The following ACSL1 variants were observed in gnomAD, a reference collection of about 807,000 sequenced individuals.
The protein encoded by ACSL1 is acyl-CoA synthetase long chain family member 1, also known as long-chain-fatty-acid--CoA ligase 1.
Under a neutral mutation model 98.4 loss-of-function variants are expected in ACSL1, and 41 were observed. The observed-to-expected ratio is 0.42, with a 90% CI of 0.32 to 0.54. The LOEUF (loss-of-function observed/expected upper bound fraction) is 0.54, where lower values mean the gene tolerates loss of function less well. Ranked by LOEUF, ACSL1 falls within the 20% of genes least tolerant of loss-of-function variation. The pLI is 0.13. For missense variants in ACSL1, 734 were observed against 883.1 expected (o/e 0.83, Z 2.14); for synonymous variants, 316 against 322.7 (o/e 0.98, Z 0.22).
intron 4 of ACSL1, among the ~76,000 whole-genome samples, chr4:184,780,790 C>T (rs1766116461): frequency 1.3e-5 from 2 of 152,024 alleles, no homozygotes; most frequent in Non-Finnish European, 2.9e-5. Context: ...ATTTATAAAG[C>T]AGCCAAAACT....
At chr4:184,775,041 T>C (rs1356596410) in intron 7 of ACSL1, among the ~76,000 whole-genome samples, 1 of 152,244 alleles carries the variant, frequency 6.6e-6, no homozygotes, top group African/African-American at 2.4e-5. Context: ...TACATACAAT[T>C]TGGCTCTTAA....
rs2150309857 is a variant in ACSL1, at chr4:184,770,382, CA to C, written c.993+16del. 6.2e-7 allele frequency: 1 copy of C among 1,612,408 alleles called. No homozygotes were observed. The highest frequency in any genetic ancestry group is 1.7e-5 in the Admixed American group (1 of 60,002). ...AACATACACAAACAAGCAAGGAAAA[CA>C]AAATTAAATGCCTACCTCTACAACT... is the stretch of plus-strand genomic sequence containing the variant. On this transcript the variant is annotated intron_variant, in intron 11 of 20. Transcript: ENST00000281455.
chr4:184,757,788 T>C lies in ACSL1; in HGVS notation c.1884+31A>G. 5.0e-6 allele frequency: 8 copies of C among 1,612,252 alleles called. No homozygotes were observed. The highest frequency in any genetic ancestry group is 2.2e-5 in the East Asian group (1 of 44,846). On this transcript the variant is annotated intron_variant, in intron 19 of 20. Transcript: ENST00000281455. This position sits in a 1 kb window ranked among gnomAD's most constrained non-coding sequence, Gnocchi z 4.5. ...AGGTACATTTAATGCCAAGTTATGA[T>C]GAGGACAGACTGGACCCTTCAGAAC...
At chr4:184,802,423 G>A (rs971420019) in intron 2 of ACSL1, among the ~76,000 whole-genome samples, 1 of 152,130 alleles carries the variant, frequency 6.6e-6, no homozygotes, top group Admixed American at 6.5e-5. Flanking sequence ...GGGGGATCTT[G>A]TGTTTCACAA....
At position 184,763,167 on chromosome 4, in the gene ACSL1, C is replaced by T; in HGVS notation, c.1521G>A (p.Glu507=). ...AAAATGACTGACGGTTTTCACTCACCTCGCCCTCGCCCTCGGCAGCCATGT... is the reference window on the plus strand; with the variant it reads ...AAAATGACTGACGGTTTTCACTCACTTCGCCCTCGCCCTCGGCAGCCATGT... ...MNYMAAEGEG[E]VCVKGPNVFQ... Residue 507 remains glutamate (E), a splice_region_variant and synonymous_variant, in exon 16 of 21, where the codon GAG becomes GAA. Transcript: ENST00000281455. 1 of 1,612,982 alleles carries T rather than the reference C, an allele frequency of 6.2e-7. No homozygotes were observed. Among genetic ancestry groups the T allele is most frequent in the Non-Finnish European group, 8.5e-7 (1 of 1,179,734 alleles).
intron 1 of ACSL1, among the ~76,000 whole-genome samples, chr4:184,811,194 C>T (rs762363322): frequency 4.6e-5 from 7 of 151,250 alleles, no homozygotes; most frequent in East Asian, 1.9e-4. Flanking sequence ...CTGCAAGCTC[C>T]GCCTTCTGGG....
intron 1 of ACSL1, among the ~76,000 whole-genome samples, chr4:184,807,044 G>A (rs551546944): frequency 6.6e-5 from 10 of 152,140 alleles, no homozygotes; most frequent in Non-Finnish European, 1.2e-4. Flanking sequence ...AGGCACTTGG[G>A]GTATTTAAAA....
intron 10 of ACSL1, among the ~76,000 whole-genome samples, chr4:184,770,917 A>T (rs1435402227): frequency 3.3e-5 from 5 of 152,206 alleles, no homozygotes; most frequent in African/African-American, 1.2e-4. Flanking sequence ...TGAGGTCAGG[A>T]GTTCAAGACC....
At chr4:184,768,077 T>A (rs1763897328) in intron 12 of ACSL1, 1 of 487,598 alleles carries the variant, frequency 2.1e-6, no homozygotes, top group Non-Finnish European at 3.5e-6. Context: ...CCTCCCACAT[T>A]ATGCTTGTGT....
chr4:184,762,131 C>CAA (rs375024812), intron 17 of ACSL1, among the ~76,000 whole-genome samples: 4,427 of 131,190 alleles, frequency 0.034, 115 homozygotes, highest in African/African-American at 0.085. Context: ...GATTCCGTCT[C>CAA]AAAAAAAAAA....
chr4:184,770,168 T>C, intron 11 of ACSL1: 1 of 1,218,624 alleles, frequency 8.2e-7, no homozygotes. Flanking sequence ...AAAGAATTTA[T>C]ATTCTTTCAA....
chr4:184,757,650 C>T lies in ACSL1; in HGVS notation c.1941G>A (p.Leu647=), dbSNP rs1762287990. The T allele has an allele frequency of 6.2e-7, 1 of 1,613,796 alleles. No homozygotes were observed. Among genetic ancestry groups the T allele is most frequent in the Non-Finnish European group, 8.5e-7 (1 of 1,179,964 alleles). ...DMVRLGKDSG[L]KPFEQVKGIT... ...AAGGTCATACCTGTTCAAATGGTTT[C>T]AGACCAGAATCCTTCCCAAGTCTCA... Residue 647 remains leucine (L), a synonymous_variant, in exon 20 of 21, where the codon CTG becomes CTA. Coordinates refer to ENST00000281455, the MANE Select transcript of ACSL1 (RefSeq NM_001995.5). The surrounding 1 kb of genome is among the most constrained non-coding windows in gnomAD (Gnocchi z 4.5).
chr4:184,811,233 G>T (rs146676580), intron 1 of ACSL1, among the ~76,000 whole-genome samples: 2 of 151,918 alleles, frequency 1.3e-5, no homozygotes, highest in African/African-American at 4.8e-5. Context: ...CTCAGCCTCC[G>T]GAGTAGCTGG....
intron 2 of ACSL1, among the ~76,000 whole-genome samples, chr4:184,794,566 T>C (rs960754703): frequency 6.6e-6 from 1 of 151,984 alleles, no homozygotes; most frequent in Non-Finnish European, 1.5e-5. Context: ...AGTGAATGTG[T>C]ATGGAGCCTG....
Position 184,825,671 on chromosome 4 carries a change from G to C in ACSL1, c.-33+245C>G, listed in dbSNP as rs1773422913. On this transcript the variant is annotated intron_variant, in intron 1 of 20. Coordinates refer to ENST00000281455, the MANE Select transcript of ACSL1 (RefSeq NM_001995.5). This position sits in a 1 kb window ranked among gnomAD's most constrained non-coding sequence, Gnocchi z 4.7. ...CCAGCCCCGCGCCCGCGCCGCCCGC[G>C]ACTCAGACACAGGAAGCTGCGGCAG... 2.0e-5 allele frequency among the ~76,000 whole-genome samples: 3 copies of C among 149,682 alleles called. No homozygotes were observed. The highest frequency in any genetic ancestry group is 1.3e-4 in the Admixed American group (2 of 15,092).
chr4:184,796,652 C>T (rs1045984778), intron 2 of ACSL1, among the ~76,000 whole-genome samples: 2 of 152,160 alleles, frequency 1.3e-5, no homozygotes, highest in Non-Finnish European at 2.9e-5. Context: ...AAAAACATCC[C>T]AGATTTCCAT....
At chr4:184,792,706 T>A (rs1006211595) in intron 2 of ACSL1, among the ~76,000 whole-genome samples, 2 of 152,182 alleles carry the variant, frequency 1.3e-5, no homozygotes, top group African/African-American at 4.8e-5. Context: ...CCCAAAGTAT[T>A]GGGATGACAG....
chr4:184,820,777 G>T (rs1218789456), intron 1 of ACSL1, among the ~76,000 whole-genome samples: 3 of 151,962 alleles, frequency 2.0e-5, no homozygotes, highest in Admixed American at 6.6e-5. Flanking sequence ...GTTAATTTTT[G>T]TATTTTTAGT....
Position 184,783,764 on chromosome 4 carries a change from A to G in ACSL1, c.375+163T>C, listed in dbSNP as rs573385347. On this transcript the variant is annotated intron_variant, in intron 4 of 20. Transcript: ENST00000281455. ...AAATTCCTTAACTTGTTCTCCCCAA[A>G]CCTTTGTGTCAAGTTTCTCCTTGGA... is the stretch of plus-strand genomic sequence containing the variant. Among the ~76,000 whole-genome samples the G allele has an allele frequency of 2.6e-5, 4 of 152,136 alleles. No homozygotes were observed. The South Asian group carries it at 8.3e-4, about 32-fold the overall frequency.
Sources: gnomAD v4.1 joint callset for allele counts (sites outside exome capture counted in the v4.1 genomes callset) on GRCh38, gnomAD v4.1.1 for gene constraint, Gnocchi (gnomAD v3.1) non-coding constraint, MANE v1.5 for transcripts, NCBI Gene and HGNC (gene_info 2026-07-23, HGNC 2026-07-21) for gene names.